The following STK3 variants were observed in gnomAD, a reference collection of about 807,000 sequenced individuals.
STK3 encodes serine/threonine-protein kinase 3.
Under a neutral mutation model 58.0 loss-of-function variants are expected in STK3, and 41 were observed. The observed-to-expected ratio is 0.71, with a 90% CI of 0.55 to 0.92. The LOEUF (loss-of-function observed/expected upper bound fraction) is 0.92, where lower values mean the gene tolerates loss of function less well. Ranked by LOEUF, STK3 falls within the 40% of genes least tolerant of loss-of-function variation. STK3 has a pLI of 0.00. For synonymous variants in STK3, 170 were observed against 191.0 expected, an observed-to-expected ratio of 0.89 and a Z score of 0.91; for missense variants, 479 against 602.7, an observed-to-expected ratio of 0.79 and a Z score of 2.15.
At chr8:98,364,431 C>T in the STK3 span, among the ~76,000 whole-genome samples, 2 of 152,148 alleles carry the variant, frequency 1.3e-5, no homozygotes, top group Non-Finnish European at 2.9e-5. Context: ...CACACTGGGT[C>T]TCGGGAGGCC....
chr8:98,780,834 G>C (rs1003804465), intron 1 of STK3, among the ~76,000 whole-genome samples: 1 of 152,020 alleles, frequency 6.6e-6, no homozygotes, highest in Non-Finnish European at 1.5e-5. Context: ...AAATCATCAA[G>C]AAAATGTCTA....
intron 8 of STK3, among the ~76,000 whole-genome samples, chr8:98,577,658 T>C (rs2131717403): frequency 6.6e-6 from 1 of 152,252 alleles, no homozygotes; most frequent in Non-Finnish European, 1.5e-5. Flanking sequence ...CTCCAGCCCT[T>C]GTCAAGCCTT....
chr8:98,705,059 A>C (rs1329048461), intron 6 of STK3, among the ~76,000 whole-genome samples: 1 of 152,174 alleles, frequency 6.6e-6, no homozygotes, highest in Non-Finnish European at 1.5e-5. Context: ...CAATTGATGC[A>C]TTTTTATCTT....
chr8:98,404,335 A>C (rs577972263), intron 3 of STK3, among the ~76,000 whole-genome samples: 1 of 152,280 alleles, frequency 6.6e-6, no homozygotes, highest in Non-Finnish European at 1.5e-5. Context: ...CTGGGAGTTC[A>C]AGACTAGCTT....
intron 6 of STK3, among the ~76,000 whole-genome samples, chr8:98,679,644 A>G (rs1282025216): frequency 2.0e-5 from 3 of 152,200 alleles, no homozygotes. Flanking sequence ...AATAGTCCCA[A>G]GCACATGGTA....
intron 1 of STK3, among the ~76,000 whole-genome samples, chr8:98,903,544 CT>C (rs1838752283): frequency 3.9e-5 from 1 of 25,352 alleles, no homozygotes; most frequent in Non-Finnish European, 6.4e-5. Context: ...TCTTCTTCTT[CT>C]TCTTCTTCTT....
At chr8:98,908,002 A>T (rs1361590316) in intron 1 of STK3, among the ~76,000 whole-genome samples, 1 of 151,772 alleles carries the variant, frequency 6.6e-6, no homozygotes, top group Non-Finnish European at 1.5e-5. Flanking sequence ...ACTCCCCTTT[A>T]TCTCCTGGGA....
At chr8:98,554,131 T>G (rs1359567374) in intron 8 of STK3, among the ~76,000 whole-genome samples, 1 of 152,130 alleles carries the variant, frequency 6.6e-6, no homozygotes, top group Non-Finnish European at 1.5e-5. Context: ...CTTCTAATTA[T>G]GTAAGGCTTT....
At chr8:98,400,665 A>T (rs1485501315), downstream of STK3, among the ~76,000 whole-genome samples, 3 of 152,230 alleles carry the variant, frequency 2.0e-5, no homozygotes, top group African/African-American at 7.2e-5. Flanking sequence ...TGATTTTCAC[A>T]GCCAATTCCA....
chr8:98,577,734 C>T (rs937494402), intron 8 of STK3, among the ~76,000 whole-genome samples: 3 of 152,040 alleles, frequency 2.0e-5, no homozygotes, highest in Non-Finnish European at 1.5e-5. Context: ...GAATGAATCA[C>T]GTAACTAAGA....
chr8:98,564,935 A>G (rs1302512788), intron 8 of STK3, among the ~76,000 whole-genome samples: 1 of 152,182 alleles, frequency 6.6e-6, no homozygotes, highest in Admixed American at 6.5e-5. Context: ...CAAATGTATC[A>G]TACGAATATA....
intron 3 of STK3, among the ~76,000 whole-genome samples, chr8:98,421,738 T>C (rs1269593368): frequency 4.6e-5 from 7 of 152,104 alleles, no homozygotes; most frequent in Non-Finnish European, 8.8e-5. Flanking sequence ...ATCGCACCAC[T>C]GCACTACAGC....
In STK3 at chr8:98,565,711, A is replaced by G. The variant is rs1812417245; in HGVS notation, c.948+13953T>C. 2.0e-5 allele frequency among the ~76,000 whole-genome samples: 3 copies of G among 152,240 alleles called. No homozygotes were observed. In the South Asian group the frequency reaches 6.2e-4, roughly 32 times the overall value. ...GGTAACAACAAAATGTTGCATTTTG[A>G]AGCTTTATTGCATAGAAAGACCAAT... On this transcript the variant is annotated intron_variant, in intron 8 of 10. Coordinates refer to ENST00000419617, the MANE Select transcript of STK3 (RefSeq NM_006281.4).
intron 3 of STK3, among the ~76,000 whole-genome samples, chr8:98,762,462 G>A (rs930219300): frequency 6.6e-6 from 1 of 152,124 alleles, no homozygotes; most frequent in Admixed American, 6.5e-5. Context: ...CACCATGTTT[G>A]CCAGGCTGGT....
the STK3 span, among the ~76,000 whole-genome samples, chr8:98,356,139 A>G: frequency 6.6e-6 from 1 of 152,220 alleles, no homozygotes; most frequent in East Asian, 1.9e-4. Context: ...TTGCTGGAAG[A>G]AGACACTTGA....
rs767207753 is a variant in STK3, at chr8:98,428,004, G to A, written n.483+6123C>T. 1.3e-5 allele frequency: 21 copies of A among 1,576,380 alleles called. No homozygotes were observed. The East Asian group carries it at 2.6e-4, about 19-fold the overall frequency. On this transcript the variant is annotated intron_variant and non_coding_transcript_variant, in intron 3 of 3. Transcript: ENST00000517832. This position sits in a 1 kb window ranked among gnomAD's most constrained non-coding sequence, Gnocchi z 6.7. ...CATGACCGGCCAGAGCCTGTGGGAC[G>A]TGTCGGAGGCTAACGTCGAGGACGG...
chr8:98,478,528 A>C (rs1031905846), intron 10 of STK3, among the ~76,000 whole-genome samples: 1 of 152,198 alleles, frequency 6.6e-6, no homozygotes, highest in African/African-American at 2.4e-5. Context: ...AGAACCTAGA[A>C]AAATCCTTAT....
chr8:98,418,056 T>A (rs1205727660), intron 3 of STK3, among the ~76,000 whole-genome samples: 1 of 152,124 alleles, frequency 6.6e-6, no homozygotes, highest in African/African-American at 2.4e-5. Flanking sequence ...ACTAAAGGTG[T>A]GTACCACCAT....
Position 98,763,514 on chromosome 8 carries a change from T to TA in STK3, c.236+3728dup, listed in dbSNP as rs368322536. On this transcript the variant is annotated intron_variant, in intron 3 of 10. Coordinates refer to ENST00000419617, the MANE Select transcript of STK3 (RefSeq NM_006281.4). Reference sequence around the variant, plus strand: ...TCAGAAATGCATATCTCATTTTCCCTATCAAAATTTCAGTGTATTATTTGG... The same window carrying TA: ...TCAGAAATGCATATCTCATTTTCCCTAATCAAAATTTCAGTGTATTATTTGG... 8.6e-3 allele frequency among the ~76,000 whole-genome samples: 1,306 copies of TA among 152,326 alleles called. 9 individuals are homozygous for TA. The highest frequency in any genetic ancestry group is 0.03 in the African/African-American group (1,230 of 41,580).
Sources: allele counts gnomAD v4.1 joint callset (sites outside exome capture counted in the v4.1 genomes callset), GRCh38; gene constraint gnomAD v4.1.1; non-coding constraint Gnocchi (gnomAD v3.1); transcripts MANE v1.5; gene names NCBI Gene and HGNC (gene_info 2026-07-23, HGNC 2026-07-21).